Variants in LIN7A observed in about 807,000 individuals in gnomAD.
The protein encoded by LIN7A is protein lin-7 homolog A.
A neutral mutation model predicts 29.8 loss-of-function variants in LIN7A; 25 were observed. The observed-to-expected ratio is 0.84, with a 90% CI of 0.61 to 1.17. The LOEUF (loss-of-function observed/expected upper bound fraction) is 1.17, where lower values mean the gene tolerates loss of function less well. Ranked by LOEUF, LIN7A falls within the 50% of genes most tolerant of loss-of-function variation. The pLI, the probability that LIN7A is intolerant of heterozygous loss-of-function variation, is 0.00. For missense variants in LIN7A, 239 were observed against 287.0 expected (o/e 0.83, Z 1.21); for synonymous variants, 118 against 107.5 (o/e 1.10, Z -0.60).
intron 2 of LIN7A, among the ~76,000 whole-genome samples, chr12:80,879,217 T>C (rs1874887177): frequency 6.6e-6 from 1 of 152,032 alleles, no homozygotes; most frequent in African/African-American, 2.4e-5. Flanking sequence ...TGGAGCAGTG[T>C]TTCTCAACTG....
At chr12:80,870,044 G>GA (rs1011428919) in intron 2 of LIN7A, among the ~76,000 whole-genome samples, 94 of 152,256 alleles carry the variant, frequency 6.2e-4, no homozygotes, top group African/African-American at 2.2e-3. Flanking sequence ...AACTTAAGGA[G>GA]AAAAAACTTG....
At chr12:80,826,571 A>G (rs918155169) in intron 4 of LIN7A, among the ~76,000 whole-genome samples, 1 of 151,912 alleles carries the variant, frequency 6.6e-6, no homozygotes, top group Non-Finnish European at 1.5e-5. Context: ...GGCTCAGCCT[A>G]GAGTGCGGTG....
intron 2 of LIN7A, among the ~76,000 whole-genome samples, chr12:80,858,518 T>G (rs537469851): frequency 6.6e-6 from 1 of 152,130 alleles, no homozygotes; most frequent in Admixed American, 6.5e-5. Context: ...TTTTTTTTTT[T>G]TTTTTTAAGT....
chr12:80,853,135 A>G (rs1422584089), intron 2 of LIN7A, among the ~76,000 whole-genome samples: 7 of 152,124 alleles, frequency 4.6e-5, no homozygotes. Flanking sequence ...CTACAGCTGG[A>G]CTTTCTGCTA....
chr12:80,806,224 A>G (rs572038368), intron 5 of LIN7A, among the ~76,000 whole-genome samples: 2 of 152,002 alleles, frequency 1.3e-5, no homozygotes, highest in South Asian at 2.1e-4. Context: ...AACTAATACA[A>G]CTCTTTCTCA....
At chr12:80,932,139 G>A (rs1292035685) in intron 1 of LIN7A, among the ~76,000 whole-genome samples, 3 of 152,278 alleles carry the variant, frequency 2.0e-5, no homozygotes, top group Admixed American at 6.5e-5. Flanking sequence ...ATCGGAAGAC[G>A]CATGAAGTAA....
chr12:80,830,716 C>G (rs1872305285), intron 4 of LIN7A, among the ~76,000 whole-genome samples: 1 of 152,196 alleles, frequency 6.6e-6, no homozygotes, highest in Admixed American at 6.5e-5. Context: ...CCCCTCTACT[C>G]CAATCCACTC....
At chr12:80,836,816 T>C (rs1660030287) in intron 4 of LIN7A, among the ~76,000 whole-genome samples, 1 of 152,152 alleles carries the variant, frequency 6.6e-6, no homozygotes. Context: ...GTGTTCTTTG[T>C]GAATTTTCCC....
At chr12:80,881,777 A>T (rs1275078570) in intron 2 of LIN7A, among the ~76,000 whole-genome samples, 1 of 152,148 alleles carries the variant, frequency 6.6e-6, no homozygotes, top group African/African-American at 2.4e-5. Flanking sequence ...GTTGTTATAT[A>T]GGAAGTTTCC....
chr12:80,899,765 C>CTTTTT (rs760389788), intron 1 of LIN7A, among the ~76,000 whole-genome samples: 48,022 of 105,754 alleles, frequency 0.45, 14,501 homozygotes, highest in Non-Finnish European at 0.65. Context: ...TTCTTTTTTT[C>CTTTTT]TTTTCTTTTT....
chr12:80,913,223 TATTAAATAGATC>T (rs2120817960), intron 1 of LIN7A, among the ~76,000 whole-genome samples: 1 of 152,348 alleles, frequency 6.6e-6, no homozygotes, highest in East Asian at 1.9e-4. Flanking sequence ...AATTAACAGG[TATTAAATAGATC>T]TAATTATGCA....
intron 5 of LIN7A, among the ~76,000 whole-genome samples, chr12:80,807,091 TGACGGA>T (rs1871076421): frequency 7.0e-6 from 1 of 143,550 alleles, no homozygotes; most frequent in African/African-American, 2.6e-5. Context: ...TTTTTTTTTT[TGACGGA>T]GTCTCGCTCT....
chr12:80,878,366 TTC>T (rs1874829760), intron 2 of LIN7A, among the ~76,000 whole-genome samples: 1 of 152,222 alleles, frequency 6.6e-6, no homozygotes, highest in East Asian at 1.9e-4. Flanking sequence ...GATGTAGTCA[TTC>T]TCTTTTTGTA....
chr12:80,846,099 A>G (rs972342454), intron 3 of LIN7A, among the ~76,000 whole-genome samples, 160 bp from the exon 4 acceptor site: 6 of 152,190 alleles, frequency 3.9e-5, no homozygotes, highest in Non-Finnish European at 7.3e-5. Context: ...CTTCATTTAG[A>G]TGCCATCTAG....
At chr12:80,892,132 A>G (rs1041335424) in intron 1 of LIN7A, among the ~76,000 whole-genome samples, 11 of 152,144 alleles carry the variant, frequency 7.2e-5, no homozygotes, top group Non-Finnish European at 1.5e-5. Context: ...TTGCACGTAC[A>G]TCTCCCTCCT....
At chr12:80,913,298 T>C (rs907397101) in intron 1 of LIN7A, among the ~76,000 whole-genome samples, 2 of 152,226 alleles carry the variant, frequency 1.3e-5, no homozygotes, top group Non-Finnish European at 2.9e-5. Flanking sequence ...GTAATCTCAG[T>C]TTAAAAAGGT....
chr12:80,863,451 A>G (rs1873978082), intron 2 of LIN7A, among the ~76,000 whole-genome samples: 1 of 152,204 alleles, frequency 6.6e-6, no homozygotes, highest in Non-Finnish European at 1.5e-5. Context: ...TCACCTTTTC[A>G]AAGGTGCACA....
chr12:80,887,670 T>C (rs1025380573), intron 2 of LIN7A, among the ~76,000 whole-genome samples: 2 of 152,124 alleles, frequency 1.3e-5, no homozygotes, highest in African/African-American at 2.4e-5. Flanking sequence ...CCTGCTTTAT[T>C]TCTCTCCAGT....
chr12:80,866,627 T>C (rs999179068), intron 2 of LIN7A, among the ~76,000 whole-genome samples: 4 of 152,142 alleles, frequency 2.6e-5, no homozygotes, highest in African/African-American at 9.7e-5. Context: ...TCTGATCAAA[T>C]TGCAATGGGC....
Sources: gnomAD v4.1 joint callset for allele counts (sites outside exome capture counted in the v4.1 genomes callset) on GRCh38, gnomAD v4.1.1 for gene constraint, MANE v1.5 for transcripts, NCBI Gene and HGNC (gene_info 2026-07-23, HGNC 2026-07-21) for gene names.